Variants in MLLT3 observed in about 807,000 individuals in gnomAD.
The protein encoded by MLLT3 is MLLT3 super elongation complex subunit, also known as protein AF-9.
Under a neutral mutation model 53.2 loss-of-function variants are expected in MLLT3, and 4 were observed. The ratio of observed to expected loss-of-function variants is 0.08; its 90% confidence interval spans 0.04 to 0.17. The LOEUF is 0.17. MLLT3 is among the 10% of genes least tolerant of loss of function. MLLT3 has a pLI of 1.00. For missense variants in MLLT3, 569 were observed against 684.0 expected (o/e 0.83, Z 1.87); for synonymous variants, 283 against 230.6 (o/e 1.23, Z -2.06).
intron 4 of MLLT3, among the ~76,000 whole-genome samples, chr9:20,442,833 G>A (rs1380890932): frequency 1.7e-4 from 26 of 152,130 alleles, no homozygotes; most frequent in Admixed American, 1.7e-3. Context: ...TCAGAAACAG[G>A]ACTGCATTAT....
At chr9:20,599,963 G>A (rs1416273456) in intron 2 of MLLT3, among the ~76,000 whole-genome samples, 2 of 151,884 alleles carry the variant, frequency 1.3e-5, no homozygotes, top group Admixed American at 6.6e-5. Context: ...ATTGTACGAT[G>A]CTAACCCAGT....
chr9:20,447,272 T>C (rs533191932), intron 4 of MLLT3, among the ~76,000 whole-genome samples: 2 of 152,136 alleles, frequency 1.3e-5, no homozygotes, highest in African/African-American at 4.8e-5. Context: ...CAAATGCATA[T>C]AGAAAATAAC....
intron 7 of MLLT3, chr9:20,363,208 G>T: frequency 2.8e-6 from 1 of 351,064 alleles, no homozygotes; most frequent in Non-Finnish European, 5.1e-6. Context: ...AGTCAGTCCT[G>T]CCACTTGGCA....
intron 5 of MLLT3, among the ~76,000 whole-genome samples, chr9:20,404,416 T>C (rs1396366955): frequency 6.6e-6 from 1 of 152,222 alleles, no homozygotes; most frequent in Non-Finnish European, 1.5e-5. Context: ...AACTAATACC[T>C]GAATGGCAAT....
chr9:20,456,597 T>C, intron 3 of MLLT3, 107 bp downstream of exon 3: 1 of 790,114 alleles, frequency 1.3e-6, no homozygotes. Context: ...AACTTTTATT[T>C]TAAAATCATC....
At chr9:20,463,675 T>C (rs1035644726) in intron 2 of MLLT3, among the ~76,000 whole-genome samples, 2 of 152,150 alleles carry the variant, frequency 1.3e-5, no homozygotes, top group Non-Finnish European at 2.9e-5. Context: ...CAGGCTAATA[T>C]GATGGGAAAT....
chr9:20,613,494 CAA>C (rs745546453), intron 2 of MLLT3, among the ~76,000 whole-genome samples: 1 of 151,786 alleles, frequency 6.6e-6, no homozygotes, highest in Non-Finnish European at 1.5e-5. Context: ...AGAATCCAAA[CAA>C]GGAATCAAAT....
chr9:20,448,517 T>C lies in MLLT3; in HGVS notation c.277-251A>G, dbSNP rs1474194061. ...AAACTTCTCTTCTTCCCCATGATCT[T>C]TCAGGTGACAGGATACCAGCAACAT... is the stretch of plus-strand genomic sequence containing the variant. On this transcript the variant is annotated intron_variant, in intron 3 of 10. Transcript: ENST00000380338. The surrounding 1 kb of genome is among the most constrained non-coding windows in gnomAD (Gnocchi z 4.0). Among the ~76,000 whole-genome samples, 1 of 152,108 alleles carries C rather than the reference T, an allele frequency of 6.6e-6. No individual in the cohort carries two copies. The highest frequency in any genetic ancestry group is 1.5e-5 in the Non-Finnish European group (1 of 68,000).
At chr9:20,364,950 T>A (rs929969434) in intron 6 of MLLT3, among the ~76,000 whole-genome samples, 3 of 152,208 alleles carry the variant, frequency 2.0e-5, no homozygotes, top group Non-Finnish European at 4.4e-5. Flanking sequence ...AAGTTAACAC[T>A]TGATCATGAG....
intron 2 of MLLT3, among the ~76,000 whole-genome samples, chr9:20,574,112 T>C (rs931751729): frequency 1.3e-5 from 2 of 152,158 alleles, no homozygotes; most frequent in African/African-American, 4.8e-5. Flanking sequence ...ACATCCAGGG[T>C]CTCTGATTCA....
At chr9:20,446,702 A>G (rs118136588) in intron 4 of MLLT3, among the ~76,000 whole-genome samples, 1 of 152,236 alleles carries the variant, frequency 6.6e-6, no homozygotes, top group African/African-American at 2.4e-5. Flanking sequence ...TTGATTGTTA[A>G]TGGCATAGCC....
At chr9:20,397,747 T>C in intron 5 of MLLT3, among the ~76,000 whole-genome samples, 1 of 152,280 alleles carries the variant, frequency 6.6e-6, no homozygotes, top group East Asian at 1.9e-4. Context: ...CTGCTGTCTT[T>C]AGAGTTCATT....
intron 2 of MLLT3, among the ~76,000 whole-genome samples, chr9:20,467,152 T>G (rs1319514380): frequency 1.3e-5 from 2 of 152,134 alleles, no homozygotes; most frequent in Non-Finnish European, 2.9e-5. Flanking sequence ...CAAAGAGTTT[T>G]TTTTTTTCAA....
At chr9:20,388,626 A>C (rs1220571889) in intron 5 of MLLT3, among the ~76,000 whole-genome samples, 1 of 152,176 alleles carries the variant, frequency 6.6e-6, no homozygotes, top group Admixed American at 6.5e-5. Context: ...TCTCCCATTA[A>C]AAAACAATAA....
chr9:20,485,016 T>A (rs1320126955), intron 2 of MLLT3, among the ~76,000 whole-genome samples: 1 of 151,350 alleles, frequency 6.6e-6, no homozygotes, highest in Middle Eastern at 3.4e-3. Flanking sequence ...TGAGACAGAG[T>A]GTCTCTCTGT....
chr9:20,501,537 G>A lies in MLLT3; in HGVS notation c.194-44751C>T, dbSNP rs527243868. Among the ~76,000 whole-genome samples, 887 of 151,264 alleles carry A rather than the reference G, an allele frequency of 5.9e-3. 4 individuals are homozygous for A. The highest frequency in any genetic ancestry group is 0.01 in the Non-Finnish European group (703 of 67,802). ...GAGGTCGAGGCGGGTGGATCATGAG[G>A]TCAGGAGATCGAGACCATCCTGGCT... On this transcript the variant is annotated intron_variant, in intron 2 of 10. Coordinates refer to ENST00000380338, the MANE Select transcript of MLLT3 (RefSeq NM_004529.4).
At chr9:20,415,737 T>C (rs1042917405) in intron 4 of MLLT3, among the ~76,000 whole-genome samples, 1 of 151,998 alleles carries the variant, frequency 6.6e-6, no homozygotes, top group Non-Finnish European at 1.5e-5. Context: ...TTCACTAAAA[T>C]GAACAATCTA....
At chr9:20,594,145 T>C (rs979618084) in intron 2 of MLLT3, among the ~76,000 whole-genome samples, 1 of 152,110 alleles carries the variant, frequency 6.6e-6, no homozygotes, top group African/African-American at 2.4e-5. Context: ...TTCACCATAT[T>C]GGTCAAGCTG....
At chr9:20,486,441 CTA>C (rs1483079152) in intron 2 of MLLT3, among the ~76,000 whole-genome samples, 1 of 152,038 alleles carries the variant, frequency 6.6e-6, no homozygotes, top group Non-Finnish European at 1.5e-5. Context: ...AAATGGTACA[CTA>C]TCACAAAAAG....
Sources: gnomAD v4.1 joint callset for allele counts (sites outside exome capture counted in the v4.1 genomes callset) on GRCh38, gnomAD v4.1.1 for gene constraint, Gnocchi (gnomAD v3.1) non-coding constraint, MANE v1.5 for transcripts, NCBI Gene and HGNC (gene_info 2026-07-23, HGNC 2026-07-21) for gene names.